Variants in PHLPP1 observed in about 807,000 individuals in gnomAD.
PHLPP1 encodes PH domain and leucine rich repeat protein phosphatase 1, also known as PH domain leucine-rich repeat-containing protein phosphatase 1.
PHLPP1 carries 42 observed loss-of-function variants against 117.2 expected under a neutral mutation model. The ratio of observed to expected loss-of-function variants is 0.36; its 90% CI spans 0.28 to 0.46. The LOEUF (loss-of-function observed/expected upper bound fraction) is 0.46, where lower values mean the gene tolerates loss of function less well. Ranked by LOEUF, PHLPP1 falls within the 20% of genes least tolerant of loss-of-function variation. PHLPP1 has a pLI of 1.00. For missense variants in PHLPP1, 2,084 were observed against 2,241.9 expected, an observed-to-expected ratio of 0.93 and a Z score of 1.42; for synonymous variants, 1,042 against 970.7, an observed-to-expected ratio of 1.07 and a Z score of -1.37.
intron 2 of PHLPP1, among the ~76,000 whole-genome samples, chr18:62,834,570 T>G (rs1914840077): frequency 6.6e-6 from 1 of 152,178 alleles, no homozygotes; most frequent in Admixed American, 6.5e-5. Flanking sequence ...ACACATCTAC[T>G]TTCGCAAGAT....
Position 62,885,979 on chromosome 18 carries a change from G to A in PHLPP1, c.2067-9032G>A, listed in dbSNP as rs573112731. Among the ~76,000 whole-genome samples, 120 of 152,274 alleles carry A rather than the reference G, an allele frequency of 7.9e-4. 1 individual carries two copies. The highest frequency in any genetic ancestry group is 2.4e-3 in the African/African-American group (98 of 41,554). ...CAATAGCAGTTTGAAGTTGTGTGCT[G>A]TTCTGTCTCTGCCATTTATTAGTCA... is the stretch of plus-strand genomic sequence containing the variant. On this transcript the variant is annotated intron_variant, in intron 4 of 16. Transcript: ENST00000262719.
At chr18:62,827,191 G>T (rs1367895628) in intron 1 of PHLPP1, among the ~76,000 whole-genome samples, 1 of 152,106 alleles carries the variant, frequency 6.6e-6, no homozygotes, top group Non-Finnish European at 1.5e-5. Context: ...ACTCTCTGTT[G>T]TTATGTTTCT....
intron 1 of PHLPP1, among the ~76,000 whole-genome samples, chr18:62,795,286 T>G (rs947819728): frequency 1.3e-5 from 2 of 151,950 alleles, no homozygotes; most frequent in African/African-American, 4.8e-5. Context: ...ACAACGAGCC[T>G]TGGCAACACG....
intron 1 of PHLPP1, among the ~76,000 whole-genome samples, chr18:62,791,021 T>C (rs1477422136): frequency 1.3e-5 from 2 of 152,016 alleles, no homozygotes; most frequent in East Asian, 3.9e-4. Context: ...GTGTGCTGAG[T>C]TGAGGAGCTG....
At chr18:62,725,204 C>A (rs1208853629) in intron 1 of PHLPP1, among the ~76,000 whole-genome samples, 1 of 151,598 alleles carries the variant, frequency 6.6e-6, no homozygotes, top group Non-Finnish European at 1.5e-5. Context: ...ACTAAAAATA[C>A]AAAAAATTAG....
At chr18:62,905,342 T>A in intron 8 of PHLPP1, 58 bp downstream of exon 8, 1 of 877,156 alleles carries the variant, frequency 1.1e-6, no homozygotes, top group Non-Finnish European at 1.6e-6. Flanking sequence ...TTAGTAATTC[T>A]GTCTGAGCTT....
chr18:62,761,710 A>C (rs1414102392), intron 1 of PHLPP1, among the ~76,000 whole-genome samples: 1 of 152,130 alleles, frequency 6.6e-6, no homozygotes, highest in East Asian at 1.9e-4. Context: ...TAAAGAAAAA[A>C]TAACAGGCCT....
chr18:62,977,523 A>C (rs1485195899), intron 16 of PHLPP1, among the ~76,000 whole-genome samples: 1 of 152,024 alleles, frequency 6.6e-6, no homozygotes, highest in East Asian at 1.9e-4. Context: ...ACACAGCTGA[A>C]CTAAAGCCAG....
Position 62,877,396 on chromosome 18 carries a change from G to A in PHLPP1, c.2066+16795G>A, listed in dbSNP as rs190942881. Reference sequence around the variant, plus strand: ...TCATTTGATCGATTTAAACAGCAGCGCTTAGAACAATTTCAGCTTCTTTGA... The same window carrying A: ...TCATTTGATCGATTTAAACAGCAGCACTTAGAACAATTTCAGCTTCTTTGA... On this transcript the variant is annotated intron_variant, in intron 4 of 16. Transcript: ENST00000262719. Among the ~76,000 whole-genome samples the A allele has an allele frequency of 1.5e-4, 23 of 152,308 alleles. No homozygotes were observed. The East Asian group carries it at 3.9e-3, about 25-fold the overall frequency.
chr18:62,869,201 GT>G (rs1345727200), intron 4 of PHLPP1, among the ~76,000 whole-genome samples: 1 of 152,046 alleles, frequency 6.6e-6, no homozygotes, highest in African/African-American at 2.4e-5. Context: ...GAAGAAAGCA[GT>G]TTCCCTGTTT....
At chr18:62,746,687 T>G (rs1403745478) in intron 1 of PHLPP1, among the ~76,000 whole-genome samples, 2 of 152,148 alleles carry the variant, frequency 1.3e-5, no homozygotes, top group African/African-American at 4.8e-5. Context: ...TGTGATTTTT[T>G]TTTTTTTAAG....
chr18:62,931,561 A>C (rs1415009462), intron 10 of PHLPP1, among the ~76,000 whole-genome samples: 1 of 151,668 alleles, frequency 6.6e-6, no homozygotes, highest in South Asian at 2.1e-4. Context: ...GGTTCTTTGA[A>C]AGGATAAACA....
At chr18:62,817,751 G>A (rs965117100) in intron 1 of PHLPP1, among the ~76,000 whole-genome samples, 1 of 150,480 alleles carries the variant, frequency 6.6e-6, no homozygotes, top group Non-Finnish European at 1.5e-5. Flanking sequence ...ATGCTAAGAA[G>A]CATAATTAAA....
chr18:62,769,376 G>A (rs764976021), intron 1 of PHLPP1, among the ~76,000 whole-genome samples: 1 of 152,112 alleles, frequency 6.6e-6, no homozygotes, highest in Non-Finnish European at 1.5e-5. Context: ...TTGACCAAGT[G>A]AAAAAAGATG....
At chr18:62,726,261 A>G (rs972312578) in intron 1 of PHLPP1, among the ~76,000 whole-genome samples, 1 of 151,658 alleles carries the variant, frequency 6.6e-6, no homozygotes, top group African/African-American at 2.4e-5. Flanking sequence ...AAAAATTTGC[A>G]GTTAATTTTG....
At chr18:62,919,099 C>A (rs1461800388) in intron 9 of PHLPP1, among the ~76,000 whole-genome samples, 3 of 152,158 alleles carry the variant, frequency 2.0e-5, no homozygotes, top group Non-Finnish European at 4.4e-5. Context: ...ATTAATTAGG[C>A]AGATTGATAA....
At position 62,717,007 on chromosome 18, in the gene PHLPP1, G is replaced by A; in HGVS notation, c.1324G>A (p.Ala442Thr). 3.2e-6 allele frequency: 5 copies of A among 1,543,994 alleles called. No individual in the cohort carries two copies. In the Admixed American group the frequency reaches 9.8e-5, roughly 30 times the overall value. ...GTCGTGCGAGGAGAAGGCAGCGGCA[G>A]CCGTGGCCCCGGGAGGCCTCCAGTC... ...EGSCEEKAAA[A>T]VAPGGLQSTP... Residue 442 changes from alanine (A) to threonine (T), a missense_variant, in exon 1 of 17, where the codon GCC becomes ACC. Around this residue, in one of 2 missense-constraint regions of PHLPP1, gnomAD observed 719 missense variants for 636.0 expected, o/e 1.13. Transcript: ENST00000262719.
Position 62,716,052 on chromosome 18 carries a change from A to C in PHLPP1, c.369A>C (p.Arg123Ser). The stretch of plus-strand genomic sequence containing the variant: ...GCGCCAACTCCCTCCTGCTGAGGAG[A>C]GGGCGGCTGAAGAGGAATCTGTCCG... The part of the protein sequence containing the change: ...GGGANSLLLR[R>S]GRLKRNLSAA... The change falls in exon 1 of 17, where the codon AGA (arginine) becomes AGC (serine). Residue 123 changes from arginine to serine, a missense_variant. Transcript: ENST00000262719. This position sits in a 1 kb window ranked among gnomAD's most constrained non-coding sequence, Gnocchi z 5.7. The C allele has an allele frequency of 1.4e-6, 2 of 1,471,264 alleles. No individual in the cohort carries two copies. The highest frequency in any genetic ancestry group is 2.6e-5 in the South Asian group (2 of 75,492). 91.1% of individuals were successfully genotyped at this position (1,471,264 alleles called of 1,614,324 possible).
At chr18:62,744,364 C>G (rs1911616652) in intron 1 of PHLPP1, among the ~76,000 whole-genome samples, 1 of 152,172 alleles carries the variant, frequency 6.6e-6, no homozygotes, top group African/African-American at 2.4e-5. Context: ...CTCTGAAATT[C>G]AATGCATTTT....
Sources: allele counts gnomAD v4.1 joint callset (sites outside exome capture counted in the v4.1 genomes callset), GRCh38; gene constraint gnomAD v4.1.1; regional missense constraint gnomAD v4.1.1; non-coding constraint Gnocchi (gnomAD v3.1); transcripts MANE v1.5; gene names NCBI Gene and HGNC (gene_info 2026-07-23, HGNC 2026-07-21).